The following ADAM10 variants were observed in gnomAD, a reference collection of about 807,000 sequenced individuals.
The protein encoded by ADAM10 is ADAM metallopeptidase domain 10.
A neutral mutation model predicts 90.1 loss-of-function variants in ADAM10; 17 were observed. That is an observed-to-expected ratio of 0.19 (90% CI 0.13 to 0.28). ADAM10 has a LOEUF of 0.28. ADAM10 is among the 10% of genes least tolerant of loss of function. The pLI is 1.00. For synonymous variants in ADAM10, 310 were observed against 298.6 expected, an observed-to-expected ratio of 1.04 and a Z score of -0.40; for missense variants, 610 against 914.3, an observed-to-expected ratio of 0.67 and a Z score of 4.29.
At chr15:58,672,350 T>TA (rs1289338525) in intron 4 of ADAM10, 4 of 157,564 alleles carry the variant, frequency 2.5e-5, no homozygotes, top group Middle Eastern at 6.1e-3. Flanking sequence ...TCATATGCAT[T>TA]CTTTGTGCAA....
chr15:58,654,661 G>A (rs1166598181), intron 5 of ADAM10, among the ~76,000 whole-genome samples: 1 of 152,156 alleles, frequency 6.6e-6, no homozygotes, highest in Non-Finnish European at 1.5e-5. Context: ...TTACAGACAT[G>A]AGCCACCACT....
chr15:58,728,549 G>C (rs1459919259), intron 1 of ADAM10, among the ~76,000 whole-genome samples: 1 of 151,498 alleles, frequency 6.6e-6, no homozygotes, highest in African/African-American at 2.4e-5. Flanking sequence ...AGACCAGCCT[G>C]GGCAACATAG....
intron 1 of ADAM10, chr15:58,732,257 T>G (rs1471966945): frequency 6.6e-6 from 1 of 152,350 alleles, no homozygotes; most frequent in African/African-American, 2.4e-5. Context: ...AGTAAAGCCT[T>G]AGGAGTGTGG....
chr15:58,702,519 ATGAAT>A (rs1458543638), intron 2 of ADAM10, among the ~76,000 whole-genome samples: 7 of 152,238 alleles, frequency 4.6e-5, no homozygotes, highest in African/African-American at 1.7e-4. Flanking sequence ...CCTAAATGCT[ATGAAT>A]TGATCATTTC....
Position 58,633,264 on chromosome 15 carries a change from A to C in ADAM10, c.1108T>G (p.Ser370Ala). Reference protein sequence around the residue: ...TGIITVQNYGSHVPPKVSHIT... With the variant: ...TGIITVQNYGAHVPPKVSHIT... ...TGAGAGACTTTGGGAGGTACATGAG[A>C]CCCATAGTTCTGAACAGTAATAATT... The change falls in exon 9 of 16, where the codon TCT becomes GCT. Residue 370 changes from serine (S) to alanine (A), a missense_variant. By Grantham distance (99) the Ser-to-Ala change is moderately conservative. Transcript: ENST00000260408. 1 of 1,613,290 alleles carries C rather than the reference A, an allele frequency of 6.2e-7. No homozygotes were observed. The highest frequency in any genetic ancestry group is 1.7e-5 in the Admixed American group (1 of 60,018).
intron 14 of ADAM10, among the ~76,000 whole-genome samples, chr15:58,603,414 C>T (rs556706624): frequency 3.3e-5 from 5 of 152,108 alleles, no homozygotes; most frequent in African/African-American, 1.2e-4. Flanking sequence ...TTCCAAACAC[C>T]TGCTGGGGAA....
At chr15:58,676,264 A>C in intron 4 of ADAM10, 1 of 455,750 alleles carries the variant, frequency 2.2e-6, no homozygotes, top group Non-Finnish European at 4.4e-6. Flanking sequence ...AAGTGACATA[A>C]GTTTTCTAAG....
chr15:58,599,244 T>A (rs1486896788), intron 15 of ADAM10, among the ~76,000 whole-genome samples: 1 of 151,446 alleles, frequency 6.6e-6, no homozygotes, highest in Admixed American at 6.6e-5. Flanking sequence ...GAAGCACAAC[T>A]ATTAGAATAG....
chr15:58,648,231 CA>C (rs1484072845), intron 5 of ADAM10, among the ~76,000 whole-genome samples: 1 of 151,982 alleles, frequency 6.6e-6, no homozygotes, highest in African/African-American at 2.4e-5. Context: ...AGATGGGTAC[CA>C]ACACTACTGA....
chr15:58,664,575 T>C (rs1897035852), intron 5 of ADAM10, among the ~76,000 whole-genome samples: 1 of 152,186 alleles, frequency 6.6e-6, no homozygotes, highest in African/African-American at 2.4e-5. Context: ...GATAAATGTT[T>C]TATCATAAAA....
intron 11 of ADAM10, among the ~76,000 whole-genome samples, chr15:58,617,604 A>G (rs1415172913): frequency 4.6e-5 from 7 of 152,214 alleles, no homozygotes; most frequent in Non-Finnish European, 8.8e-5. Flanking sequence ...CAAATTGGAA[A>G]GGAGGAAGCC....
At chr15:58,679,393 TACAC>T in intron 3 of ADAM10, 111 bp from the exon 4 acceptor site, 24 of 887,450 alleles carry the variant, frequency 2.7e-5, no homozygotes, top group Non-Finnish European at 4.1e-5. Context: ...CATACATATA[TACAC>T]ATATATATGG....
intron 5 of ADAM10, among the ~76,000 whole-genome samples, chr15:58,657,889 T>G (rs1172380486): frequency 5.9e-5 from 6 of 101,068 alleles, no homozygotes; most frequent in African/African-American, 7.3e-5. Flanking sequence ...GGGGTTTGTG[T>G]TTTTTTTTTT....
At chr15:58,623,964 G>T (rs1050167089) in intron 10 of ADAM10, among the ~76,000 whole-genome samples, 1 of 148,250 alleles carries the variant, frequency 6.7e-6, no homozygotes, top group Non-Finnish European at 1.5e-5. Context: ...CTTGTATCCC[G>T]GAACTTAAAG....
chr15:58,687,797 A>G (rs184485973), intron 2 of ADAM10, among the ~76,000 whole-genome samples: 107 of 152,350 alleles, frequency 7.0e-4, no homozygotes, highest in Admixed American at 1.4e-3. Flanking sequence ...GGAAAAGTCA[A>G]TCTCAAAGAT....
chr15:58,705,861 C>T lies in ADAM10; in HGVS notation c.206+11716G>A, dbSNP rs181641292. Among the ~76,000 whole-genome samples the T allele has an allele frequency of 5.7e-3, 867 of 152,288 alleles. 6 individuals carry two copies. The highest frequency in any genetic ancestry group is 0.011 in the Admixed American group (174 of 15,294). ...AGAGAGACCACATTCACATAACTTACAGTAGTTATCATAATTGTTCTCTTT... is the reference window on the plus strand; with the variant it reads ...AGAGAGACCACATTCACATAACTTATAGTAGTTATCATAATTGTTCTCTTT... On this transcript the variant is annotated intron_variant, in intron 2 of 15. Transcript: ENST00000260408.
intron 1 of ADAM10, among the ~76,000 whole-genome samples, chr15:58,740,761 C>T (rs1197458305): frequency 6.6e-6 from 1 of 151,954 alleles, no homozygotes; most frequent in Non-Finnish European, 1.5e-5. Flanking sequence ...ACTATAAATT[C>T]GTAATAGGCA....
intron 5 of ADAM10, among the ~76,000 whole-genome samples, chr15:58,653,984 A>T (rs917533031): frequency 6.6e-6 from 1 of 152,032 alleles, no homozygotes; most frequent in East Asian, 1.9e-4. Flanking sequence ...ACATTTTGCA[A>T]TTTATTGGCA....
intron 15 of ADAM10, among the ~76,000 whole-genome samples, chr15:58,599,042 G>C (rs1446977009): frequency 2.0e-5 from 3 of 152,072 alleles, no homozygotes; most frequent in African/African-American, 7.2e-5. Context: ...AACGATAAGA[G>C]AGCTGGGTGC....
Sources: allele counts gnomAD v4.1 joint callset (sites outside exome capture counted in the v4.1 genomes callset), GRCh38; gene constraint gnomAD v4.1.1; transcripts MANE v1.5; gene names NCBI Gene and HGNC (gene_info 2026-07-23, HGNC 2026-07-21).